Variants in ITPR1 observed in about 807,000 individuals in gnomAD.
ITPR1 encodes the protein inositol 1,4,5-trisphosphate-gated calcium channel ITPR1.
A neutral mutation model predicts 318.4 loss-of-function variants in ITPR1; 96 were observed. The observed-to-expected ratio is 0.30, with a 90% confidence interval of 0.26 to 0.36. The LOEUF (loss-of-function observed/expected upper bound fraction) is 0.36. ITPR1 is among the 10% of genes least tolerant of loss of function. The pLI is 1.00. For synonymous variants in ITPR1, 1,312 were observed against 1,289.9 expected (o/e 1.02, Z -0.37); for missense variants, 2,440 against 3,460.2 (o/e 0.71, Z 7.40).
At chr3:4,771,272 G>A (rs546443966) in intron 46 of ITPR1, among the ~76,000 whole-genome samples, 1 of 152,278 alleles carries the variant, frequency 6.6e-6, no homozygotes, top group South Asian at 2.1e-4. Flanking sequence ...CCTTAGAAGA[G>A]AGGAACCAAC....
intron 5 of ITPR1, among the ~76,000 whole-genome samples, chr3:4,637,993 C>T (rs779679481): frequency 6.6e-6 from 1 of 152,160 alleles, no homozygotes; most frequent in Non-Finnish European, 1.5e-5. Context: ...CTGATCTCTA[C>T]GATGGCCCTA....
At chr3:4,773,070 C>T (rs182185813) in intron 46 of ITPR1, among the ~76,000 whole-genome samples, 3 of 152,376 alleles carry the variant, frequency 2.0e-5, no homozygotes, top group Middle Eastern at 3.4e-3. Context: ...GCGCTGTCAA[C>T]GTGGTCCTTG....
chr3:4,778,608 T>C (rs1240120445), intron 48 of ITPR1, among the ~76,000 whole-genome samples: 2 of 152,252 alleles, frequency 1.3e-5, no homozygotes, highest in African/African-American at 2.4e-5. Context: ...AATTGTGTTT[T>C]AGAGTGAATT....
intron 44 of ITPR1, among the ~76,000 whole-genome samples, chr3:4,751,943 A>T (rs931754239): frequency 7.2e-5 from 11 of 152,104 alleles, no homozygotes; most frequent in African/African-American, 2.7e-4. Flanking sequence ...TTCACGGAGA[A>T]ATCTATGCCC....
At chr3:4,614,222 C>T (rs994284246) in intron 4 of ITPR1, among the ~76,000 whole-genome samples, 9 of 152,276 alleles carry the variant, frequency 5.9e-5, no homozygotes, top group East Asian at 1.9e-4. Context: ...GCCTTGATCA[C>T]GCCACTGTGC....
chr3:4,594,396 C>G (rs1345150451), intron 4 of ITPR1, among the ~76,000 whole-genome samples: 1 of 152,118 alleles, frequency 6.6e-6, no homozygotes, highest in Non-Finnish European at 1.5e-5. Context: ...TAATAAATCA[C>G]TTGTATGTGA....
In ITPR1 at chr3:4,815,800, T is replaced by TA. The variant is rs201805267; in HGVS notation, c.7867+591dup. ...ATAAATTTCCTAGTGGTATGTATGC[T>TA]AAAAAAAAAGATCAGTTTCCAATTA... On this transcript the variant is annotated intron_variant, in intron 59 of 61. Coordinates refer to ENST00000649015, the MANE Select transcript of ITPR1 (RefSeq NM_001378452.1). 1.7e-3 allele frequency among the ~76,000 whole-genome samples: 251 copies of TA among 150,986 alleles called. 1 individual carries two copies. The highest frequency in any genetic ancestry group is 7.8e-3 in the East Asian group (40 of 5,158).
rs147851903 is a variant in ITPR1, at chr3:4,831,106, GTCTCTCTC to G, written c.8029-5649_8029-5642del. 5.3e-4 allele frequency: 211 copies of G among 395,444 alleles called. 1 individual carries two copies. The highest frequency in any genetic ancestry group is 2.1e-3 in the Admixed American group (74 of 35,296). 24.5% of individuals were successfully genotyped at this position (395,444 alleles called of 1,614,324 possible). On this transcript the variant is annotated intron_variant, in intron 60 of 61. Coordinates refer to ENST00000649015, the MANE Select transcript of ITPR1 (RefSeq NM_001378452.1). Reference sequence around the variant, plus strand: ...CTTCCTCCTCCGTCTGTCTGTCTTTGTCTCTCTCTCTCTCTCTCTCTCTCTCACACACA... The same window carrying G: ...CTTCCTCCTCCGTCTGTCTGTCTTTGTCTCTCTCTCTCTCTCTCACACACA...
chr3:4,726,341 T>TTAAA (rs375811861), intron 41 of ITPR1, among the ~76,000 whole-genome samples: 1 of 146,310 alleles, frequency 6.8e-6, no homozygotes, highest in Non-Finnish European at 1.5e-5. Context: ...ATGATGCAGT[T>TTAAA]AAAAAAAAAA....
At chr3:4,661,174 C>A in intron 14 of ITPR1, 87 bp downstream of exon 14, 2 of 730,102 alleles carry the variant, frequency 2.7e-6, no homozygotes, top group Non-Finnish European at 4.7e-6. Context: ...GAGTATGGAG[C>A]GTGGAGATTT....
At chr3:4,509,652 C>T (rs1326996617) in intron 2 of ITPR1, among the ~76,000 whole-genome samples, 3 of 152,272 alleles carry the variant, frequency 2.0e-5, no homozygotes, top group East Asian at 1.9e-4. Context: ...AAAAACTTAG[C>T]CAGACATGGT....
At chr3:4,843,953 A>G (rs1367424183) in intron 61 of ITPR1, among the ~76,000 whole-genome samples, 1 of 152,200 alleles carries the variant, frequency 6.6e-6, no homozygotes, top group Non-Finnish European at 1.5e-5. Context: ...GGATGAAAAT[A>G]CGCATACTAA....
At chr3:4,676,563 T>G in intron 23 of ITPR1, 51 bp from the exon 24 acceptor site, 28 of 1,460,140 alleles carry the variant, frequency 1.9e-5, no homozygotes, top group Non-Finnish European at 2.6e-5. Flanking sequence ...CATATGCCTC[T>G]GAGCATTCTC....
intron 2 of ITPR1, among the ~76,000 whole-genome samples, chr3:4,514,834 T>A (rs973707652): frequency 6.6e-6 from 1 of 152,234 alleles, no homozygotes; most frequent in African/African-American, 2.4e-5. Flanking sequence ...CCCTTGATGT[T>A]TTCCATTTGT....
At chr3:4,828,306 T>C (rs1462601978) in intron 60 of ITPR1, among the ~76,000 whole-genome samples, 3 of 152,216 alleles carry the variant, frequency 2.0e-5, no homozygotes, top group Non-Finnish European at 2.9e-5. Context: ...AAAATCCTCA[T>C]ACATAGCCAC....
chr3:4,641,574 C>A (rs1289027125), intron 6 of ITPR1, among the ~76,000 whole-genome samples: 1 of 152,202 alleles, frequency 6.6e-6, no homozygotes, highest in Non-Finnish European at 1.5e-5. Flanking sequence ...CAAGATCTCC[C>A]TGTGTCGCCC....
intron 31 of ITPR1, among the ~76,000 whole-genome samples, chr3:4,689,266 A>G (rs2094444160): frequency 1.3e-5 from 2 of 152,208 alleles, no homozygotes; most frequent in African/African-American, 4.8e-5. Flanking sequence ...GCAATGTCTG[A>G]TTTTTAACTT....
intron 4 of ITPR1, among the ~76,000 whole-genome samples, chr3:4,521,737 C>T (rs757901728): frequency 3.9e-5 from 6 of 152,114 alleles, no homozygotes; most frequent in Non-Finnish European, 8.8e-5. Context: ...GGTGTGGTAG[C>T]ATGCACCTGT....
intron 48 of ITPR1, among the ~76,000 whole-genome samples, chr3:4,777,650 C>T (rs923768042): frequency 6.6e-6 from 1 of 152,076 alleles, no homozygotes; most frequent in East Asian, 1.9e-4. Context: ...CCAACAGCAT[C>T]GAGTACTAAA....
Sources: gnomAD v4.1 joint callset for allele counts (sites outside exome capture counted in the v4.1 genomes callset) on GRCh38, gnomAD v4.1.1 for gene constraint, MANE v1.5 for transcripts, NCBI Gene and HGNC (gene_info 2026-07-23, HGNC 2026-07-21) for gene names.